WDR27: variants seen among roughly 807,000 people sequenced by gnomAD.
The protein encoded by WDR27 is WD repeat domain 27.
Under a neutral mutation model 114.4 loss-of-function variants are expected in WDR27, and 100 were observed. The observed-to-expected ratio is 0.87, with a 90% CI of 0.74 to 1.03. The LOEUF (loss-of-function observed/expected upper bound fraction) is 1.03, where lower values mean the gene tolerates loss of function less well. Among genes scored for constraint, WDR27 ranks in the 50% least tolerant of loss-of-function variants. WDR27 has a pLI of 0.00. For synonymous variants in WDR27, 449 were observed against 423.1 expected (o/e 1.06, Z -0.75); for missense variants, 1,129 against 1,092.9 (o/e 1.03, Z -0.47).
At chr6:169,648,886 C>T (rs1332137056) in intron 15 of WDR27, among the ~76,000 whole-genome samples, 1 of 152,242 alleles carries the variant, frequency 6.6e-6, no homozygotes, top group African/African-American at 2.4e-5. Context: ...ACGGCCCCAA[C>T]ATTTTCACCC....
intron 25 of WDR27, among the ~76,000 whole-genome samples, chr6:169,516,472 G>A (rs1177024017): frequency 2.6e-5 from 4 of 152,074 alleles, no homozygotes; most frequent in African/African-American, 4.8e-5. Flanking sequence ...CTCCTCCAGG[G>A]GGGCTAATTC....
In WDR27 at chr6:169,608,260, C is replaced by T. The variant is rs568667059; in HGVS notation, c.2321+5299G>A. 5.3e-5 allele frequency among the ~76,000 whole-genome samples: 8 copies of T among 152,158 alleles called. No homozygotes were observed. In the South Asian group the frequency reaches 1.0e-3, roughly 20 times the overall value. On this transcript the variant is annotated intron_variant, in intron 22 of 25. Transcript: ENST00000448612. ...CAAAGGAAAATAAGTCATTATATCACGAAGACACTGTGTGTGTATGTTTAT... is the reference window on the plus strand; with the variant it reads ...CAAAGGAAAATAAGTCATTATATCATGAAGACACTGTGTGTGTATGTTTAT...
Position 169,613,195 on chromosome 6 carries a change from G to A in WDR27, c.2321+364C>T, listed in dbSNP as rs141747162. On this transcript the variant is annotated intron_variant, in intron 22 of 25. Transcript: ENST00000448612. The stretch of plus-strand genomic sequence containing the variant: ...GAGAGTCAGGCGCCGCTGGCCCTGC[G>A]TTACGGGGGTGCTCGGTGCCTAGTG... 1.3e-4 allele frequency among the ~76,000 whole-genome samples: 20 copies of A among 152,316 alleles called. 1 individual carries two copies. The East Asian group carries it at 3.9e-3, about 29-fold the overall frequency.
rs182517194 is a variant in WDR27 at position 169,518,708 on chromosome 6, A to G, written c.2645+53711T>C. Among the ~76,000 whole-genome samples, 10 of 152,314 alleles carry G rather than the reference A, an allele frequency of 6.6e-5. No homozygotes were observed. In the East Asian group the frequency reaches 1.9e-3, roughly 29 times the overall value. ...CCATTGTCTTGGCTGTCTTTTAGTT[A>G]TGCAAGTTTCTCTAGGAAGTGGTTG... On this transcript the variant is annotated intron_variant, in intron 25 of 25. Transcript: ENST00000448612.
intron 17 of WDR27, 22 bp downstream of exon 17, chr6:169,643,675 C>G: frequency 6.2e-7 from 1 of 1,603,936 alleles, no homozygotes; most frequent in Non-Finnish European, 8.5e-7. Flanking sequence ...TTCATACTGA[C>G]TGAAATTAAG....
chr6:169,670,773 T>C (rs1778516198), intron 3 of WDR27, 80 bp from the exon 4 acceptor site: 1 of 1,524,700 alleles, frequency 6.6e-7, no homozygotes, highest in Non-Finnish European at 9.0e-7. Flanking sequence ...ACTGAGAATG[T>C]AACCCTCTAT....
intron 25 of WDR27, among the ~76,000 whole-genome samples, chr6:169,510,165 A>G (rs1245963998): frequency 2.0e-5 from 3 of 152,136 alleles, no homozygotes; most frequent in Non-Finnish European, 2.9e-5. Context: ...AAATAGGAAC[A>G]CTTTTACACT....
intron 22 of WDR27, among the ~76,000 whole-genome samples, chr6:169,612,631 TAAAAA>T (rs59134868): frequency 2.1e-5 from 2 of 97,044 alleles, no homozygotes; most frequent in South Asian, 4.3e-4. Flanking sequence ...CTGTCTAACA[TAAAAA>T]AAAAAAAAAA....
At chr6:169,667,694 G>A (rs117982811) in intron 5 of WDR27, among the ~76,000 whole-genome samples, 4,246 of 152,334 alleles carry the variant, frequency 0.028, 103 homozygotes, top group Non-Finnish European at 0.042. Flanking sequence ...TGGGAATGCC[G>A]TGGAGAAGAA....
At chr6:169,536,113 G>T (rs1192594277) in intron 25 of WDR27, among the ~76,000 whole-genome samples, 1 of 152,116 alleles carries the variant, frequency 6.6e-6, no homozygotes, top group Non-Finnish European at 1.5e-5. Context: ...AAAAAAATAG[G>T]CTCAAAAGGA....
At chr6:169,567,098 G>A (rs1281302185) in intron 25 of WDR27, among the ~76,000 whole-genome samples, 1 of 152,196 alleles carries the variant, frequency 6.6e-6, no homozygotes, top group Admixed American at 6.5e-5. Flanking sequence ...GCCAGGTGGG[G>A]CTGTCTGGGG....
chr6:169,685,701 T>C lies in WDR27; in HGVS notation c.189+3116A>G, dbSNP rs376558564. On this transcript the variant is annotated intron_variant, in intron 2 of 25. Coordinates refer to ENST00000448612, the MANE Select transcript of WDR27 (RefSeq NM_182552.5). Reference sequence around the variant, plus strand: ...AAAGAATAAAAAAGAATAAAGCCTATGTGATTTATGAGACTAAGCAAATAA... The same window carrying C: ...AAAGAATAAAAAAGAATAAAGCCTACGTGATTTATGAGACTAAGCAAATAA... 2.3e-4 allele frequency among the ~76,000 whole-genome samples: 35 copies of C among 152,286 alleles called. No homozygotes were observed. In the South Asian group the frequency reaches 4.1e-3, roughly 18 times the overall value.
intron 25 of WDR27, among the ~76,000 whole-genome samples, chr6:169,464,854 C>T (rs935241425): frequency 1.3e-5 from 2 of 152,260 alleles, no homozygotes; most frequent in Non-Finnish European, 2.9e-5. Context: ...GGCACGGTGG[C>T]CCATGCCTGT....
intron 25 of WDR27, among the ~76,000 whole-genome samples, chr6:169,541,254 G>A (rs1796808630): frequency 2.0e-5 from 3 of 151,946 alleles, no homozygotes; most frequent in African/African-American, 7.2e-5. Flanking sequence ...TCTGAAGAAA[G>A]TAAAAATAAA....
chr6:169,696,846 G>A lies in WDR27; in HGVS notation c.-8+4705C>T, dbSNP rs180731780. Among the ~76,000 whole-genome samples the A allele has an allele frequency of 3.4e-3, 512 of 152,290 alleles. 4 individuals are homozygous for A. The highest frequency in any genetic ancestry group is 0.012 in the African/African-American group (484 of 41,568). On this transcript the variant is annotated intron_variant, in intron 1 of 25. Coordinates refer to ENST00000448612, the MANE Select transcript of WDR27 (RefSeq NM_182552.5). Reference sequence around the variant, plus strand: ...GGAGAATCACTTGAACCCGGGAGGCGGAGGTTGTTGTGAGCCAAGATTGTG... The same window carrying A: ...GGAGAATCACTTGAACCCGGGAGGCAGAGGTTGTTGTGAGCCAAGATTGTG...
chr6:169,504,746 A>G (rs1446681281), intron 25 of WDR27, among the ~76,000 whole-genome samples: 1 of 152,072 alleles, frequency 6.6e-6, no homozygotes, highest in Non-Finnish European at 1.5e-5. Context: ...CCTCCTGAGT[A>G]GCTGGGACAA....
At chr6:169,556,127 G>A (rs745613748) in intron 25 of WDR27, among the ~76,000 whole-genome samples, 1 of 152,210 alleles carries the variant, frequency 6.6e-6, no homozygotes. Context: ...CTTGCTGGCT[G>A]TGAGGAGGCA....
At chr6:169,640,704 T>C (rs539701603) in intron 17 of WDR27, among the ~76,000 whole-genome samples, 2 of 152,306 alleles carry the variant, frequency 1.3e-5, no homozygotes, top group East Asian at 3.9e-4. Flanking sequence ...CATAAGGGCG[T>C]CCTCCCAGTG....
intron 7 of WDR27, 129 bp from the exon 8 acceptor site, chr6:169,664,415 C>T (rs1014583366): frequency 2.8e-5 from 43 of 1,545,616 alleles, no homozygotes; most frequent in Non-Finnish European, 3.7e-5. Flanking sequence ...TGCAGAGGCT[C>T]CCGGCACAGC....
Sources: gnomAD v4.1 joint callset for allele counts (sites outside exome capture counted in the v4.1 genomes callset) on GRCh38, gnomAD v4.1.1 for gene constraint, MANE v1.5 for transcripts, NCBI Gene and HGNC (gene_info 2026-07-23, HGNC 2026-07-21) for gene names.